Variants in CAST observed in about 807,000 individuals in gnomAD.
CAST encodes calpastatin, also known as MIR583 host.
A neutral mutation model predicts 119.6 loss-of-function variants in CAST; 76 were observed. The ratio of observed to expected loss-of-function variants is 0.64; its 90% CI spans 0.53 to 0.77. CAST has a LOEUF of 0.77. Among genes scored for constraint, CAST ranks in the 30% least tolerant of loss-of-function variants. The pLI, the probability that CAST is intolerant of heterozygous loss-of-function variation, is 0.00. For synonymous variants in CAST, 319 were observed against 331.6 expected (o/e 0.96, Z 0.41); for missense variants, 953 against 946.5 (o/e 1.01, Z -0.09).
the CAST span, among the ~76,000 whole-genome samples, chr5:96,464,927 A>G: frequency 1.3e-5 from 2 of 152,010 alleles, no homozygotes; most frequent in Non-Finnish European, 2.9e-5. Flanking sequence ...TTAGGCACAG[A>G]TTTTCAAGTT....
the CAST span, chr5:96,410,849 G>A: frequency 7.4e-6 from 12 of 1,613,938 alleles, no homozygotes; most frequent in African/African-American, 1.3e-5. Context: ...CGTACCAGGG[G>A]GATAGGCCTT....
At chr5:96,581,897 T>TAAATAAAG (rs755492948) in intron 1 of CAST, among the ~76,000 whole-genome samples, 1 of 129,856 alleles carries the variant, frequency 7.7e-6, no homozygotes, top group Non-Finnish European at 1.6e-5. Flanking sequence ...TCTCAAAAAA[T>TAAATAAAG]AAATAAATAA....
chr5:96,305,812 T>G, the CAST span, among the ~76,000 whole-genome samples: 1 of 152,132 alleles, frequency 6.6e-6, no homozygotes, highest in African/African-American at 2.4e-5. Context: ...CTGACTTGAT[T>G]GTGGTGGATA....
chr5:95,976,742 C>G, the CAST span, among the ~76,000 whole-genome samples: 1 of 152,114 alleles, frequency 6.6e-6, no homozygotes, highest in African/African-American at 2.4e-5. Flanking sequence ...TGTTTTTAAT[C>G]ACTGTGAGAT....
chr5:96,736,079 C>T (rs1181484351), intron 9 of CAST, 93 bp from the exon 10 acceptor site: 5 of 756,778 alleles, frequency 6.6e-6, no homozygotes, highest in Non-Finnish European at 1.1e-5. Context: ...ATGATCAATG[C>T]TTGTTAATAT....
the CAST span, chr5:96,408,472 C>T: frequency 1.6e-5 from 11 of 687,646 alleles, no homozygotes; most frequent in East Asian, 5.5e-5. Context: ...AAACCACAGG[C>T]GGATGTTTGC....
chr5:96,159,610 T>G, the CAST span, among the ~76,000 whole-genome samples: 3 of 152,186 alleles, frequency 2.0e-5, no homozygotes, highest in African/African-American at 7.2e-5. Context: ...CAGATTTTTG[T>G]TTTTTACTTT....
chr5:96,611,947 T>C (rs995008917), intron 1 of CAST, among the ~76,000 whole-genome samples: 4 of 151,982 alleles, frequency 2.6e-5, no homozygotes, highest in Non-Finnish European at 2.9e-5. Context: ...AAATAACAGA[T>C]GTTGGTGAGG....
intron 1 of CAST, among the ~76,000 whole-genome samples, chr5:96,616,064 C>T (rs774648738): frequency 2.0e-4 from 30 of 150,100 alleles, no homozygotes; most frequent in African/African-American, 6.5e-4. Context: ...CTGGCCATGC[C>T]GGCAGCTGAT....
At chr5:96,492,639 T>C in the CAST span, among the ~76,000 whole-genome samples, 4 of 152,210 alleles carry the variant, frequency 2.6e-5, no homozygotes, top group African/African-American at 9.6e-5. Flanking sequence ...TGATCGGGAT[T>C]TCCTCTTGAT....
At chr5:96,670,651 C>G (rs1238015803) in intron 1 of CAST, among the ~76,000 whole-genome samples, 1 of 152,188 alleles carries the variant, frequency 6.6e-6, no homozygotes, top group East Asian at 1.9e-4. Flanking sequence ...GTGTGCACCA[C>G]CATGCCCAGC....
the CAST span, among the ~76,000 whole-genome samples, chr5:96,337,946 G>A: frequency 6.6e-6 from 1 of 152,054 alleles, no homozygotes; most frequent in South Asian, 2.1e-4. Context: ...TTTTCCTTAT[G>A]TTTCTATAGC....
the CAST span, among the ~76,000 whole-genome samples, chr5:96,517,232 A>G: frequency 6.6e-6 from 1 of 151,912 alleles, no homozygotes; most frequent in Non-Finnish European, 1.5e-5. Context: ...TTCCTTACTT[A>G]TTTAAGCAAT....
At chr5:96,746,449 G>A (rs1352562856) in intron 17 of CAST, 24 bp downstream of exon 17, 1 of 1,293,484 alleles carries the variant, frequency 7.7e-7, no homozygotes, top group African/African-American at 1.5e-5. Context: ...CACAGTGCAT[G>A]ACAACAGCAT....
At chr5:96,251,474 T>C in the CAST span, among the ~76,000 whole-genome samples, 1 of 152,160 alleles carries the variant, frequency 6.6e-6, no homozygotes, top group East Asian at 1.9e-4. Context: ...CAGATTTCAC[T>C]GGAAGGATGA....
At chr5:96,238,340 C>CTTCTTCTTT in the CAST span, among the ~76,000 whole-genome samples, 1 of 44,216 alleles carries the variant, frequency 2.3e-5, no homozygotes, top group African/African-American at 5.9e-5. Context: ...TCTTCTTCTT[C>CTTCTTCTTT]TTCTTCATCT....
chr5:96,056,801 C>A, the CAST span, among the ~76,000 whole-genome samples: 1 of 151,946 alleles, frequency 6.6e-6, no homozygotes, highest in Non-Finnish European at 1.5e-5. Flanking sequence ...TAACTCTTAG[C>A]CTTAGAAAAA....
At chr5:96,085,423 A>T in the CAST span, among the ~76,000 whole-genome samples, 5 of 152,356 alleles carry the variant, frequency 3.3e-5, no homozygotes, top group African/African-American at 1.2e-4. Flanking sequence ...ATGAGCACTT[A>T]TAATTTTAAA....
At chr5:96,311,728 A>G in the CAST span, among the ~76,000 whole-genome samples, 1 of 151,964 alleles carries the variant, frequency 6.6e-6, no homozygotes, top group Non-Finnish European at 1.5e-5. Flanking sequence ...TATTCCTAGA[A>G]AACAAAAATT....
Sources: allele counts gnomAD v4.1 joint callset (sites outside exome capture counted in the v4.1 genomes callset), GRCh38; gene constraint gnomAD v4.1.1; transcripts MANE v1.5; gene names NCBI Gene and HGNC (gene_info 2026-07-23, HGNC 2026-07-21).